The following CDH17 variants were observed in gnomAD, a reference collection of about 807,000 sequenced individuals.
CDH17 encodes the protein cadherin-17.
A neutral mutation model predicts 86.3 loss-of-function variants in CDH17; 67 were observed. The ratio of observed to expected loss-of-function variants is 0.78; its 90% CI spans 0.64 to 0.95. The LOEUF is 0.95. Ranked by LOEUF, CDH17 falls within the 40% of genes least tolerant of loss-of-function variation. CDH17 has a pLI of 0.00. For missense variants in CDH17, 993 were observed against 1,017.6 expected, an observed-to-expected ratio of 0.98 and a Z score of 0.33; for synonymous variants, 367 against 366.4, an observed-to-expected ratio of 1.00 and a Z score of -0.02.
At chr8:94,207,354 T>C (rs1466797823) in intron 1 of CDH17, among the ~76,000 whole-genome samples, 1 of 152,190 alleles carries the variant, frequency 6.6e-6, no homozygotes, top group Non-Finnish European at 1.5e-5. Context: ...CCAAGCAACA[T>C]AGTAAGCTCT....
At chr8:94,172,978 G>A (rs1813297810) in intron 7 of CDH17, among the ~76,000 whole-genome samples, 1 of 152,030 alleles carries the variant, frequency 6.6e-6, no homozygotes, top group African/African-American at 2.4e-5. Flanking sequence ...AAGTCTATTG[G>A]GTCAAGATTT....
At chr8:94,203,574 C>T (rs1231425037) in intron 1 of CDH17, among the ~76,000 whole-genome samples, 2 of 152,160 alleles carry the variant, frequency 1.3e-5, no homozygotes, top group Non-Finnish European at 2.9e-5. Flanking sequence ...TCAGATCTGC[C>T]ACGCCCATCT....
intron 9 of CDH17, among the ~76,000 whole-genome samples, chr8:94,166,894 G>C (rs1813168388): frequency 6.6e-6 from 1 of 152,128 alleles, no homozygotes; most frequent in Non-Finnish European, 1.5e-5. Flanking sequence ...AGACTCTGGA[G>C]GGAACGCTGC....
chr8:94,210,424 C>T (rs1814105604), upstream of CDH17, among the ~76,000 whole-genome samples: 1 of 152,042 alleles, frequency 6.6e-6, no homozygotes, highest in South Asian at 2.1e-4. Flanking sequence ...GAGAAATTAA[C>T]AGGTGATTAT....
At chr8:94,140,684 A>G (rs1335080643) in intron 15 of CDH17, among the ~76,000 whole-genome samples, 1 of 152,216 alleles carries the variant, frequency 6.6e-6, no homozygotes, top group African/African-American at 2.4e-5. Context: ...CCAGATTATC[A>G]GGAAAAAAGA....
chr8:94,150,128 C>T (rs1377941706), intron 13 of CDH17, among the ~76,000 whole-genome samples: 1 of 152,092 alleles, frequency 6.6e-6, no homozygotes, highest in Non-Finnish European at 1.5e-5. Flanking sequence ...ATATGCCAAA[C>T]ACTGTGTTAG....
intron 1 of CDH17, among the ~76,000 whole-genome samples, chr8:94,215,063 A>G (rs963418652): frequency 3.3e-5 from 5 of 152,250 alleles, no homozygotes; most frequent in Non-Finnish European, 7.3e-5. Context: ...TAACACAACC[A>G]CTTTGGTAAA....
intron 12 of CDH17, among the ~76,000 whole-genome samples, chr8:94,152,691 C>G (rs905386933): frequency 4.6e-5 from 7 of 152,148 alleles, no homozygotes; most frequent in Non-Finnish European, 7.3e-5. Flanking sequence ...AGCCACCATG[C>G]CTGGCTGGAA....
intron 15 of CDH17, among the ~76,000 whole-genome samples, chr8:94,144,038 A>T (rs1008294064): frequency 2.6e-5 from 4 of 152,202 alleles, no homozygotes; most frequent in Non-Finnish European, 5.9e-5. Flanking sequence ...TCAACATAAC[A>T]TCCTCACTAA....
chr8:94,148,828 C>T lies in CDH17; in HGVS notation c.1843G>A (p.Val615Met), dbSNP rs1812802288. 4.3e-6 allele frequency: 7 copies of T among 1,609,316 alleles called. No homozygotes were observed. The highest frequency in any genetic ancestry group is 3.3e-5 in the South Asian group (3 of 90,658). The change falls in exon 14 of 18, where the codon GTG becomes ATG. Residue 615 changes from valine (V) to methionine (M), a missense_variant. By Grantham distance (21) the Val-to-Met change is conservative. Transcript: ENST00000027335. Reference sequence around the variant, plus strand: ...GCCACACTAAAGATCTCACCAGTCACGTGGTCAATTTTAAGCCAACCTCTT... The same window carrying T: ...GCCACACTAAAGATCTCACCAGTCATGTGGTCAATTTTAAGCCAACCTCTT... Reference protein sequence around the residue: ...DTRGWLKIDHVTGEIFSVAPL... With the variant: ...DTRGWLKIDHMTGEIFSVAPL...
chr8:94,159,542 G>C (rs574745522), intron 12 of CDH17, among the ~76,000 whole-genome samples: 1 of 152,248 alleles, frequency 6.6e-6, no homozygotes, highest in East Asian at 1.9e-4. Context: ...GCGAGACCCT[G>C]AGTGCCACTC....
intron 15 of CDH17, among the ~76,000 whole-genome samples, chr8:94,140,610 A>T (rs1420548562): frequency 6.6e-6 from 1 of 152,212 alleles, no homozygotes; most frequent in Non-Finnish European, 1.5e-5. Flanking sequence ...ATATAAAACA[A>T]AAACAGAAAA....
chr8:94,170,842 T>G lies in CDH17; in HGVS notation c.915+12A>C. The G allele has an allele frequency of 6.2e-7, 1 of 1,611,752 alleles. No individual in the cohort carries two copies. Among genetic ancestry groups the G allele is most frequent in the South Asian group, 1.1e-5 (1 of 90,560 alleles). On this transcript the variant is annotated intron_variant, in intron 8 of 17. Transcript: ENST00000027335. ...TGTCTTGTCGCCTGTGAAACTCTTC[T>G]CTTTTACTCACTGCATCCTTTTCTT...
In CDH17 at chr8:94,151,859, G is replaced by A. The variant is rs1812861326; in HGVS notation, c.1796+9C>T. 6.2e-7 allele frequency: 1 copy of A among 1,614,032 alleles called. No homozygotes were observed. The highest frequency in any genetic ancestry group is 1.1e-5 in the South Asian group (1 of 91,080). On this transcript the variant is annotated intron_variant, in intron 13 of 17. Transcript: ENST00000027335. Reference sequence around the variant, plus strand: ...GCAGCCAGGCCTGCCCAGCACTGTTGCCCTTTACCTTATGTCCAGACCTTC... The same window carrying A: ...GCAGCCAGGCCTGCCCAGCACTGTTACCCTTTACCTTATGTCCAGACCTTC...
chr8:94,210,928 G>A (rs1400359299), upstream of CDH17, among the ~76,000 whole-genome samples: 1 of 151,506 alleles, frequency 6.6e-6, no homozygotes, highest in African/African-American at 2.4e-5. Flanking sequence ...GGCTGACTCA[G>A]GAGAATCATT....
At chr8:94,183,659 G>A (rs888835538) in intron 3 of CDH17, among the ~76,000 whole-genome samples, 1 of 151,950 alleles carries the variant, frequency 6.6e-6, no homozygotes, top group African/African-American at 2.4e-5. Context: ...ATGAGGAAAT[G>A]GTTTCTTAGA....
At chr8:94,164,570 G>A (rs1813118213) in intron 10 of CDH17, among the ~76,000 whole-genome samples, 1 of 152,148 alleles carries the variant, frequency 6.6e-6, no homozygotes, top group South Asian at 2.1e-4. Flanking sequence ...AAATTACTGG[G>A]TTTCAAACAT....
intron 9 of CDH17, among the ~76,000 whole-genome samples, chr8:94,167,440 G>T (rs1255303845): frequency 6.6e-6 from 1 of 152,096 alleles, no homozygotes; most frequent in Non-Finnish European, 1.5e-5. Flanking sequence ...AAATTTAGAG[G>T]TTTTTTGGTT....
intron 1 of CDH17, among the ~76,000 whole-genome samples, chr8:94,205,413 T>A (rs1267087473): frequency 6.6e-6 from 1 of 151,872 alleles, no homozygotes; most frequent in Non-Finnish European, 1.5e-5. Context: ...TAAATTAGGT[T>A]CCATCCCATA....
Sources: allele counts gnomAD v4.1 joint callset (sites outside exome capture counted in the v4.1 genomes callset), GRCh38; gene constraint gnomAD v4.1.1; transcripts MANE v1.5; gene names NCBI Gene and HGNC (gene_info 2026-07-23, HGNC 2026-07-21).